GGT7: variants seen among roughly 807,000 people sequenced by gnomAD.
GGT7 encodes the protein glutathione hydrolase 7.
A neutral mutation model predicts 69.2 loss-of-function variants in GGT7; 30 were observed. The observed-to-expected ratio is 0.43, with a 90% CI of 0.32 to 0.59. The LOEUF (loss-of-function observed/expected upper bound fraction) is 0.59, where lower values mean the gene tolerates loss of function less well. GGT7 is among the 20% of genes least tolerant of loss of function. GGT7 has a pLI of 0.05. For synonymous variants in GGT7, 388 were observed against 391.8 expected (o/e 0.99, Z 0.12); for missense variants, 733 against 901.1 (o/e 0.81, Z 2.39).
At position 34,859,966 on chromosome 20, in the gene GGT7, G is replaced by T; in HGVS notation, c.817+3C>A. On this transcript the variant is annotated splice_donor_region_variant and intron_variant, in intron 6 of 14. Transcript: ENST00000336431. ...CTCTCCCAAATCCCCAGGCCCCACT[G>T]ACCTAGATCATGAGTCACGTTGAAG... The T allele has an allele frequency of 6.5e-7, 1 of 1,546,478 alleles. No individual in the cohort carries two copies. The highest frequency in any genetic ancestry group is 8.8e-7 in the Non-Finnish European group (1 of 1,138,790).
At position 34,859,432 on chromosome 20, in the gene GGT7, C is replaced by G. The variant is rs534307885; in HGVS notation, c.1014+11G>C. On this transcript the variant is annotated intron_variant, in intron 7 of 14. Coordinates refer to ENST00000336431, the MANE Select transcript of GGT7 (RefSeq NM_178026.3). ...GGGGCATGCCCCCACCCGCACAACA[C>G]GAGCACTTACCTCGGCCACCATCTC... is the stretch of plus-strand genomic sequence containing the variant. The G allele has an allele frequency of 2.6e-5, 40 of 1,567,088 alleles. No individual in the cohort carries two copies. The highest frequency in any genetic ancestry group is 3.4e-5 in the Non-Finnish European group (39 of 1,148,174).
intron 13 of GGT7, chr20:34,850,888 C>G (rs750878501): frequency 1.5e-5 from 9 of 599,274 alleles, no homozygotes; most frequent in Non-Finnish European, 2.6e-5. Flanking sequence ...CAAATCCCAC[C>G]CTAAAGAGGG....
chr20:34,861,521 C>T lies in GGT7; in HGVS notation c.599G>A (p.Ser200Asn). 1 of 1,536,388 alleles carries T rather than the reference C, an allele frequency of 6.5e-7. No individual in the cohort carries two copies. Among genetic ancestry groups the T allele is most frequent in the Non-Finnish European group, 8.8e-7 (1 of 1,130,104 alleles). Reference protein sequence around the residue: ...MLVHDIRRNESHLIDFRESAP... With the variant: ...MLVHDIRRNENHLIDFRESAP... ...GGACTCCCGGAAATCAATTAGGTGG[C>T]TCTCATTTCGTCGGATGTCATGTAC... The change falls in exon 4 of 15, where the codon AGC becomes AAC. Residue 200 changes from serine to asparagine, a missense_variant. Ser to Asn is a conservative substitution (Grantham distance 46). Coordinates refer to ENST00000336431, the MANE Select transcript of GGT7 (RefSeq NM_178026.3).
chr20:34,850,961 C>G lies in GGT7; in HGVS notation c.1725+270G>C, dbSNP rs142443850. 4.9e-3 allele frequency: 3,278 copies of G among 675,376 alleles called. 31 individuals carry two copies. The highest frequency in any genetic ancestry group is 0.013 in the South Asian group (860 of 67,054). The allele number at this position is 675,376 out of a possible 1,614,324, so 41.8% of individuals were successfully genotyped here. ...GGACTTGAGGTTAACAGAACCCAGG[C>G]CACCCAGATGCTAACCCCACTTTTC... On this transcript the variant is annotated intron_variant, in intron 13 of 14. Coordinates refer to ENST00000336431, the MANE Select transcript of GGT7 (RefSeq NM_178026.3).
chr20:34,849,642 G>C (rs2079356775), intron 14 of GGT7, among the ~76,000 whole-genome samples: 1 of 152,136 alleles, frequency 6.6e-6, no homozygotes, highest in Non-Finnish European at 1.5e-5. Flanking sequence ...CCAGCACCTA[G>C]GATGATGCCT....
In GGT7 at chr20:34,860,302, AC is replaced by A. The variant is rs1264081739; in HGVS notation, c.694del (p.Val232PhefsTer5). ...WETKPGLLVGVPGMVKGLHEA... is the reference protein window; with the variant it reads ...WETKPGLLVGXPGMVKGLHEA... Reference sequence around the variant, plus strand: ...ATGTAGCCCCTTCACCATTCCGGGAACCCCCACCAAGAGCCCAGGCTGGGCA... The same window carrying A: ...ATGTAGCCCCTTCACCATTCCGGGAACCCCACCAAGAGCCCAGGCTGGGCA... On this transcript the variant is annotated frameshift_variant, in exon 5 of 15. Transcript: ENST00000336431. LOFTEE classifies it high-confidence loss of function. The A allele has an allele frequency of 6.2e-7, 1 of 1,613,600 alleles. No homozygotes were observed. The highest frequency in any genetic ancestry group is 8.5e-7 in the Non-Finnish European group (1 of 1,179,850).
intron 9 of GGT7, 83 bp downstream of exon 9, chr20:34,854,713 T>C: frequency 6.3e-7 from 1 of 1,595,464 alleles, no homozygotes; most frequent in African/African-American, 1.3e-5. Flanking sequence ...TTGGAGGGGA[T>C]TTAGTCCTGC....
rs115872321 is a variant in GGT7 at position 34,862,476 on chromosome 20, C to T, written c.557+338G>A. On this transcript the variant is annotated intron_variant, in intron 3 of 14. Coordinates refer to ENST00000336431, the MANE Select transcript of GGT7 (RefSeq NM_178026.3). ...AGGGTGCAAGGCTTTTCATCAGACC[C>T]ATAGGGATTTATGATCCTAGAAGTT... Among the ~76,000 whole-genome samples the T allele has an allele frequency of 3.4e-3, 521 of 151,690 alleles. 1 individual carries two copies. The highest frequency in any genetic ancestry group is 0.01 in the African/African-American group (415 of 41,292).
At chr20:34,856,724 G>T (rs1291984134) in intron 8 of GGT7, 82 bp downstream of exon 8, 3 of 773,506 alleles carry the variant, frequency 3.9e-6, no homozygotes, top group Non-Finnish European at 6.9e-6. Context: ...AAATGGAGAG[G>T]AGTCTCTAGG....
intron 1 of GGT7, among the ~76,000 whole-genome samples, chr20:34,871,551 C>A (rs7265109): frequency 0.22 from 33,166 of 152,200 alleles, 3,799 homozygotes; most frequent in South Asian, 0.37. Context: ...CACCCCCACC[C>A]CATACAGAGT....
intron 4 of GGT7, 114 bp downstream of exon 4, chr20:34,861,331 C>G (rs561446286): frequency 7.5e-5 from 38 of 509,160 alleles, no homozygotes; most frequent in African/African-American, 7.4e-4. Context: ...GAGAATCCTG[C>G]TCAACTCTTT....
In GGT7 at chr20:34,852,246, C is replaced by T. The variant is rs2079407607; in HGVS notation, c.1496G>A (p.Gly499Asp). 1.2e-6 allele frequency: 2 copies of T among 1,613,778 alleles called. No individual in the cohort carries two copies. Among genetic ancestry groups the T allele is most frequent in the Non-Finnish European group, 1.7e-6 (2 of 1,179,760 alleles). ...VSSLNQPFGSGLITPSGILLN... is the reference protein window; with the variant it reads ...VSSLNQPFGSDLITPSGILLN... ...CAGGATCCCCGAGGGGGTGATAAGG[C>T]CGCTGCCAAAGGGCTGGTTCAGGGA... Residue 499 changes from glycine to aspartate, a missense_variant, in exon 12 of 15, where the codon GGC becomes GAC. Gly to Asp is a moderately conservative substitution (Grantham distance 94). Coordinates refer to ENST00000336431, the MANE Select transcript of GGT7 (RefSeq NM_178026.3).
Position 34,845,136 on chromosome 20 carries a change from C to T in GGT7, c.*192G>A, listed in dbSNP as rs2079280610. 2 of 477,398 alleles carry T rather than the reference C, an allele frequency of 4.2e-6. 1 individual carries two copies. Among genetic ancestry groups the T allele is most frequent in the African/African-American group, 4.0e-5 (2 of 50,574 alleles). The allele number at this position is 477,398 out of a possible 1,614,324, so 29.6% of individuals were successfully genotyped here. A position where few individuals can be genotyped will look rare whatever the true frequency, so the allele number is the denominator to read the frequency against. ...CTCACCACCACCACCACCACCACCA[C>T]CACCACCACCACCACCACAGGCCTC... is the stretch of plus-strand genomic sequence containing the variant. On this transcript the variant is annotated 3_prime_UTR_variant, in exon 15 of 15. Coordinates refer to ENST00000336431, the MANE Select transcript of GGT7 (RefSeq NM_178026.3).
chr20:34,860,106 AGGGGGG>A, intron 5 of GGT7, 64 bp from the exon 6 acceptor site: 4 of 312,552 alleles, frequency 1.3e-5, no homozygotes, highest in African/African-American at 6.2e-5. Context: ...GTCCGGGGGG[AGGGGGG>A]TTCCTGGGAA....
rs546078965 is a variant in GGT7, at chr20:34,852,554, G to C, written c.1320-16C>G. 1.0e-5 allele frequency: 16 copies of C among 1,561,160 alleles called. No homozygotes were observed. In the Admixed American group the frequency reaches 3.4e-4, roughly 33 times the overall value. On this transcript the variant is annotated splice_polypyrimidine_tract_variant and intron_variant, in intron 10 of 14. Coordinates refer to ENST00000336431, the MANE Select transcript of GGT7 (RefSeq NM_178026.3). Reference sequence around the variant, plus strand: ...CTCCACCTTGCTGAAAAGACAAGGGGTGGGAGATGAGCAAACAACAGGCTC... The same window carrying C: ...CTCCACCTTGCTGAAAAGACAAGGGCTGGGAGATGAGCAAACAACAGGCTC...
chr20:34,866,070 A>G (rs1490704139), intron 1 of GGT7, among the ~76,000 whole-genome samples: 1 of 152,226 alleles, frequency 6.6e-6, no homozygotes, highest in African/African-American at 2.4e-5. Flanking sequence ...TAAACATCTA[A>G]GCTCCTTGTG....
intron 10 of GGT7, among the ~76,000 whole-genome samples, chr20:34,852,794 T>C (rs1311388060): frequency 6.6e-6 from 1 of 152,262 alleles, no homozygotes; most frequent in Non-Finnish European, 1.5e-5. Context: ...GCCTTTTAGT[T>C]ATCTGACTTC....
In GGT7 at chr20:34,872,782, C is replaced by G; in HGVS notation, c.34G>C (p.Ala12Pro). The change falls in exon 1 of 15, where the codon GCC (alanine) becomes CCC (proline). Residue 12 changes from alanine to proline, a missense_variant. Physicochemically the swap from Ala to Pro is conservative, Grantham distance 27 (BLOSUM62 -1). Coordinates refer to ENST00000336431, the MANE Select transcript of GGT7 (RefSeq NM_178026.3). Reference protein sequence around the residue: ...AAENEASQESALGAYSPVDYM... With the variant: ...AAENEASQESPLGAYSPVDYM... ...TCCACTGGCGAGTAGGCGCCCAGGG[C>G]GCTCTCCTGGCTGGCCTCGTTCTCC... The G allele has an allele frequency of 2.8e-6, 4 of 1,413,692 alleles. No homozygotes were observed. The highest frequency in any genetic ancestry group is 3.7e-6 in the Non-Finnish European group (4 of 1,077,718). 87.6% of individuals were successfully genotyped at this position (1,413,692 alleles called of 1,614,324 possible).
intron 14 of GGT7, 47 bp from the exon 15 acceptor site, chr20:34,845,538 T>C (rs761046672): frequency 2.3e-5 from 36 of 1,542,622 alleles, no homozygotes; most frequent in Non-Finnish European, 2.7e-6. Flanking sequence ...TACAGAGCAC[T>C]AGTTCAAGAG....
Sources: allele counts gnomAD v4.1 joint callset (sites outside exome capture counted in the v4.1 genomes callset), GRCh38; gene constraint gnomAD v4.1.1; transcripts MANE v1.5; gene names NCBI Gene and HGNC (gene_info 2026-07-23, HGNC 2026-07-21).